Variants in GPC5 observed in about 807,000 individuals in gnomAD.
The protein encoded by GPC5 is glypican 5.
GPC5 carries 47 observed loss-of-function variants against 53.9 expected under a neutral mutation model. The observed-to-expected ratio is 0.87, with a 90% CI of 0.69 to 1.11. The LOEUF (loss-of-function observed/expected upper bound fraction) is 1.11, where lower values mean the gene tolerates loss of function less well. GPC5 is among the 50% of genes most tolerant of loss of function. The pLI, the probability that GPC5 is intolerant of heterozygous loss-of-function variation, is 0.00. For missense variants in GPC5, 748 were observed against 713.1 expected (o/e 1.05, Z -0.56); for synonymous variants, 286 against 263.3 (o/e 1.09, Z -0.84).
intron 7 of GPC5, among the ~76,000 whole-genome samples, chr13:92,166,844 C>A (rs1038829802): frequency 1.5e-4 from 23 of 151,888 alleles, no homozygotes; most frequent in African/African-American, 5.6e-4. Flanking sequence ...CTTAGTGTAT[C>A]ACATTAGAAA....
chr13:91,399,052 C>G lies in GPC5; in HGVS notation c.6C>G (p.Asp2Glu), dbSNP rs1008800077. Residue 2 changes from aspartate (D) to glutamate (E), a missense_variant, in exon 1 of 8, where the codon GAC (aspartate) becomes GAG (glutamate). Asp to Glu is a conservative substitution (Grantham distance 45). Coordinates refer to ENST00000377067, the MANE Select transcript of GPC5 (RefSeq NM_004466.6). ...AGGGGACCAGGACGGCGAGGATGGA[C>G]GCACAGACCTGGCCCGTGGGCTTTC... M[D>E]AQTWPVGFRC... The G allele has an allele frequency of 3.9e-6, 6 of 1,553,902 alleles. No homozygotes were observed. The East Asian group carries it at 9.7e-5, about 25-fold the overall frequency.
chr13:92,411,875 A>T (rs1876057285), intron 7 of GPC5, among the ~76,000 whole-genome samples: 1 of 152,034 alleles, frequency 6.6e-6, no homozygotes, highest in African/African-American at 2.4e-5. Context: ...ATTTACCGTT[A>T]TCTTTCTATT....
At chr13:92,568,693 T>C (rs1328328682) in intron 7 of GPC5, among the ~76,000 whole-genome samples, 3 of 152,164 alleles carry the variant, frequency 2.0e-5, no homozygotes, top group African/African-American at 7.2e-5. Flanking sequence ...GGGCTGGCCC[T>C]GTACTAAGTG....
chr13:92,696,666 A>G (rs1221255781), intron 7 of GPC5, among the ~76,000 whole-genome samples: 1 of 151,960 alleles, frequency 6.6e-6, no homozygotes, highest in Non-Finnish European at 1.5e-5. Flanking sequence ...ATTCTGATGA[A>G]AGTTTCTTTT....
chr13:92,713,946 A>G (rs1323451092), intron 7 of GPC5, among the ~76,000 whole-genome samples: 2 of 152,182 alleles, frequency 1.3e-5, no homozygotes, highest in Non-Finnish European at 2.9e-5. Context: ...TAGTTCACCA[A>G]GCAATTCCAG....
intron 7 of GPC5, among the ~76,000 whole-genome samples, chr13:92,347,875 ATATATAT>A (rs1455297240): frequency 0.036 from 61 of 1,706 alleles, 6 homozygotes; most frequent in African/African-American, 0.078. Flanking sequence ...TATATATATA[ATATATAT>A]TATATATATT....
intron 7 of GPC5, among the ~76,000 whole-genome samples, chr13:92,466,339 A>G (rs1292583965): frequency 1.3e-5 from 2 of 152,046 alleles, no homozygotes; most frequent in African/African-American, 4.8e-5. Flanking sequence ...TAGAATGATA[A>G]CAAAATTATG....
At chr13:92,314,193 T>G (rs536413164) in intron 7 of GPC5, among the ~76,000 whole-genome samples, 2 of 152,318 alleles carry the variant, frequency 1.3e-5, no homozygotes, top group Non-Finnish European at 2.9e-5. Context: ...CAAGGGCAGC[T>G]AGGTGGTTGC....
At chr13:92,662,937 G>C (rs1183579368) in intron 7 of GPC5, among the ~76,000 whole-genome samples, 2 of 151,956 alleles carry the variant, frequency 1.3e-5, no homozygotes, top group Non-Finnish European at 2.9e-5. Flanking sequence ...TTATTTTCAC[G>C]TGAATTTTTC....
chr13:91,606,872 G>A (rs2033386255), intron 2 of GPC5, among the ~76,000 whole-genome samples: 1 of 151,566 alleles, frequency 6.6e-6, no homozygotes, highest in Non-Finnish European at 1.5e-5. Context: ...CTTGCTAGCG[G>A]TCTATCAATT....
At chr13:92,357,372 G>A (rs891091199) in intron 7 of GPC5, among the ~76,000 whole-genome samples, 5 of 151,596 alleles carry the variant, frequency 3.3e-5, no homozygotes, top group African/African-American at 1.2e-4. Context: ...AACCTAACTA[G>A]CATCTGTTAC....
chr13:92,440,805 G>T (rs1014495427), intron 7 of GPC5, among the ~76,000 whole-genome samples: 6 of 152,106 alleles, frequency 3.9e-5, no homozygotes, highest in Non-Finnish European at 8.8e-5. Flanking sequence ...GGTGTGAAAT[G>T]GTATCTTATT....
intron 7 of GPC5, among the ~76,000 whole-genome samples, chr13:92,605,458 T>C (rs1035741176): frequency 6.6e-6 from 1 of 152,242 alleles, no homozygotes; most frequent in Non-Finnish European, 1.5e-5. Flanking sequence ...TCAATCATTT[T>C]TGGCAAAAGA....
chr13:91,648,254 A>G (rs2034609360), intron 2 of GPC5, among the ~76,000 whole-genome samples: 1 of 152,176 alleles, frequency 6.6e-6, no homozygotes, highest in Non-Finnish European at 1.5e-5. Flanking sequence ...TAGACACTGG[A>G]GCACATGTGC....
chr13:91,904,931 C>T (rs773073400), intron 5 of GPC5, among the ~76,000 whole-genome samples: 2 of 152,018 alleles, frequency 1.3e-5, no homozygotes, highest in Admixed American at 6.6e-5. Flanking sequence ...GAGGGATCTG[C>T]ATTAGCAATC....
chr13:92,481,701 T>C (rs1879362666), intron 7 of GPC5, among the ~76,000 whole-genome samples: 1 of 152,138 alleles, frequency 6.6e-6, no homozygotes, highest in African/African-American at 2.4e-5. Context: ...TGGGGGATCA[T>C]TTCCTTTCTT....
intron 6 of GPC5, among the ~76,000 whole-genome samples, chr13:92,072,120 TTAA>T (rs1416306797): frequency 1.4e-5 from 2 of 146,734 alleles, no homozygotes; most frequent in Non-Finnish European, 3.0e-5. Flanking sequence ...GAATGAATGA[TTAA>T]TAAAATGATC....
chr13:91,616,930 T>C (rs1219669287), intron 2 of GPC5, among the ~76,000 whole-genome samples: 2 of 152,150 alleles, frequency 1.3e-5, no homozygotes, highest in African/African-American at 4.8e-5. Flanking sequence ...CTGATTTTCC[T>C]GTCTTTGCAC....
At chr13:92,467,740 G>C (rs1241423401) in intron 7 of GPC5, among the ~76,000 whole-genome samples, 1 of 152,106 alleles carries the variant, frequency 6.6e-6, no homozygotes, top group Non-Finnish European at 1.5e-5. Flanking sequence ...GTATTGCCTA[G>C]ATGTAGGTTT....
Sources: allele counts gnomAD v4.1 joint callset (sites outside exome capture counted in the v4.1 genomes callset), GRCh38; gene constraint gnomAD v4.1.1; transcripts MANE v1.5; gene names NCBI Gene and HGNC (gene_info 2026-07-23, HGNC 2026-07-21).